Variants in DAB1 observed in about 807,000 individuals in gnomAD.
DAB1 encodes DAB adaptor protein 1, also known as disabled homolog 1.
In DAB1, 15 loss-of-function variants were observed where a neutral mutation model predicts 64.6. The ratio of observed to expected loss-of-function variants is 0.23; its 90% CI spans 0.16 to 0.36. DAB1 has a LOEUF of 0.36. Among genes scored for constraint, DAB1 ranks in the 10% least tolerant of loss-of-function variants. The pLI is 1.00. For synonymous variants in DAB1, 235 were observed against 251.9 expected (o/e 0.93, Z 0.64); for missense variants, 596 against 706.7 (o/e 0.84, Z 1.78).
At chr1:58,479,256 T>G (rs530914827) in intron 3 of DAB1, among the ~76,000 whole-genome samples, 1 of 152,314 alleles carries the variant, frequency 6.6e-6, no homozygotes, top group African/African-American at 2.4e-5. Context: ...TCTTTATATG[T>G]TATGGAGTGC....
intron 7 of DAB1, among the ~76,000 whole-genome samples, chr1:57,591,560 AAATCC>A (rs1645446138): frequency 6.6e-6 from 1 of 152,202 alleles, no homozygotes; most frequent in South Asian, 2.1e-4. Context: ...ATCTCGGTTC[AAATCC>A]TGAAACTGCC....
chr1:57,011,089 T>A, intron 13 of DAB1, 56 bp downstream of exon 13: 1 of 1,607,300 alleles, frequency 6.2e-7, no homozygotes, highest in South Asian at 1.1e-5. Flanking sequence ...CCATTTCAGT[T>A]ACAGAGGTCT....
chr1:58,541,293 CAAAAAAAAAAAAAAAAAAAAA>C (rs71043292), intron 1 of DAB1, among the ~76,000 whole-genome samples: 22 of 27,572 alleles, frequency 8.0e-4, no homozygotes, highest in South Asian at 7.1e-3. Context: ...GACTCTGTCT[CAAAAAAAAAAAAAAAAAAAAA>C]AAAAAAAAAA....
intron 3 of DAB1, among the ~76,000 whole-genome samples, chr1:58,489,692 C>T (rs950332571): frequency 3.3e-4 from 50 of 152,296 alleles, no homozygotes; most frequent in African/African-American, 1.1e-3. Flanking sequence ...AGGCACCCCC[C>T]AGTAGGGGCA....
At chr1:58,032,577 T>C (rs1222836904) in intron 5 of DAB1, among the ~76,000 whole-genome samples, 8 of 152,108 alleles carry the variant, frequency 5.3e-5, no homozygotes, top group African/African-American at 1.9e-4. Context: ...CTAATCCCCA[T>C]GTCAGCCAGC....
chr1:57,771,152 G>A (rs1196811794), intron 6 of DAB1, among the ~76,000 whole-genome samples: 1 of 152,156 alleles, frequency 6.6e-6, no homozygotes, highest in Non-Finnish European at 1.5e-5. Context: ...CTGAAAAATA[G>A]TTCTTTAATG....
chr1:57,737,235 C>T (rs1436690144), intron 6 of DAB1, among the ~76,000 whole-genome samples: 1 of 152,198 alleles, frequency 6.6e-6, no homozygotes, highest in African/African-American at 2.4e-5. Context: ...AGTCAAAAGA[C>T]AATGGTGCTT....
intron 5 of DAB1, among the ~76,000 whole-genome samples, chr1:57,911,113 A>T (rs1208656149): frequency 6.8e-6 from 1 of 146,524 alleles, no homozygotes; most frequent in Non-Finnish European, 1.5e-5. Context: ...ATGCACAAAG[A>T]CATTTAGGGA....
intron 5 of DAB1, among the ~76,000 whole-genome samples, chr1:57,993,039 G>A (rs1646370636): frequency 6.6e-6 from 1 of 152,102 alleles, no homozygotes; most frequent in East Asian, 1.9e-4. Flanking sequence ...TGACAGAAGT[G>A]GAGTAACTTA....
At chr1:57,682,214 G>A (rs181134494) in intron 6 of DAB1, among the ~76,000 whole-genome samples, 6 of 151,662 alleles carry the variant, frequency 4.0e-5, no homozygotes, top group Non-Finnish European at 8.8e-5. Flanking sequence ...AGAACATATT[G>A]CAACCATTAA....
chr1:57,418,976 G>A (rs144310564), intron 1 of DAB1, among the ~76,000 whole-genome samples: 76 of 152,256 alleles, frequency 5.0e-4, no homozygotes, highest in African/African-American at 1.7e-3. Flanking sequence ...TTTGATTAAT[G>A]AGTTGTTTTC....
chr1:57,145,471 A>C (rs1475023035), intron 2 of DAB1, 42 bp from the exon 3 acceptor site: 2 of 1,603,138 alleles, frequency 1.2e-6, no homozygotes, highest in Non-Finnish European at 1.7e-6. Context: ...AGCTGTGCAG[A>C]CCCCAGTGGC....
At chr1:58,351,629 C>A (rs1165326272) in intron 3 of DAB1, among the ~76,000 whole-genome samples, 1 of 151,544 alleles carries the variant, frequency 6.6e-6, no homozygotes, top group Non-Finnish European at 1.5e-5. Flanking sequence ...GGTGAGAGGT[C>A]AATGTACTCT....
intron 2 of DAB1, among the ~76,000 whole-genome samples, chr1:57,164,812 TTC>T (rs1661077398): frequency 6.6e-6 from 1 of 152,156 alleles, no homozygotes. Flanking sequence ...CTTCCTTGGG[TTC>T]TGTGAGACAC....
At chr1:58,450,670 C>T (rs12097842) in intron 3 of DAB1, among the ~76,000 whole-genome samples, 2,482 of 152,268 alleles carry the variant, frequency 0.016, 70 homozygotes, top group African/African-American at 0.056. Context: ...AGGAGAATGG[C>T]GTGAACCCGG....
intron 6 of DAB1, among the ~76,000 whole-genome samples, chr1:57,763,219 T>C (rs184966532): frequency 2.2e-4 from 34 of 152,306 alleles, no homozygotes; most frequent in Admixed American, 1.3e-4. Flanking sequence ...TCTTGCTTTT[T>C]GAAAGGTGCG....
rs1185659468 is a variant in DAB1 at position 58,481,254 on chromosome 1, C to A, written n.257+24806G>T. ...GATTGTTTCAGTAATCCCTAATATG[C>A]TCCATGTAAAACAAAGAATGTATTG... On this transcript the variant is annotated intron_variant and non_coding_transcript_variant, in intron 3 of 20. Coordinates refer to the DAB1 transcript ENST00000485760. The A allele has an allele frequency of 1.4e-5, 7 of 493,218 alleles. No individual in the cohort carries two copies. In the Admixed American group the frequency reaches 1.5e-4, roughly 11 times the overall value. 30.6% of individuals were successfully genotyped at this position (493,218 alleles called of 1,614,324 possible).
intron 2 of DAB1, among the ~76,000 whole-genome samples, chr1:57,277,821 G>A (rs574933881): frequency 6.6e-6 from 1 of 152,256 alleles, no homozygotes; most frequent in East Asian, 1.9e-4. Context: ...TGAAATACAT[G>A]ATAAGATTCA....
chr1:57,541,131 CTTTT>C (rs533723819), intron 7 of DAB1, among the ~76,000 whole-genome samples: 1 of 142,494 alleles, frequency 7.0e-6, no homozygotes. Flanking sequence ...ACTTTTCTTT[CTTTT>C]TTTTTTTTTT....
Sources: allele counts gnomAD v4.1 joint callset (sites outside exome capture counted in the v4.1 genomes callset), GRCh38; gene constraint gnomAD v4.1.1; transcripts MANE v1.5; gene names NCBI Gene and HGNC (gene_info 2026-07-23, HGNC 2026-07-21).